The following SLC2A2 variants were observed in gnomAD, a reference collection of about 807,000 sequenced individuals.
The protein encoded by SLC2A2 is solute carrier family 2, facilitated glucose transporter member 2.
In SLC2A2, 36 loss-of-function variants were observed where a neutral mutation model predicts 54.5. That is an observed-to-expected ratio of 0.66 (90% CI 0.51 to 0.87). SLC2A2 has a LOEUF of 0.87. SLC2A2 is among the 40% of genes least tolerant of loss of function. The pLI is 0.00. For missense variants in SLC2A2, 543 were observed against 624.3 expected, an observed-to-expected ratio of 0.87 and a Z score of 1.39; for synonymous variants, 223 against 219.1, an observed-to-expected ratio of 1.02 and a Z score of -0.16.
At chr3:171,015,513 A>G (rs575995107) in intron 2 of SLC2A2, among the ~76,000 whole-genome samples, 1 of 152,314 alleles carries the variant, frequency 6.6e-6, no homozygotes, top group African/African-American at 2.4e-5. Flanking sequence ...ATACATTTTC[A>G]TGCTAGTGTT....
At chr3:171,019,992 A>G (rs1716376558) in intron 1 of SLC2A2, among the ~76,000 whole-genome samples, 1 of 152,190 alleles carries the variant, frequency 6.6e-6, no homozygotes, top group Non-Finnish European at 1.5e-5. Flanking sequence ...ATTTACATAA[A>G]TTTTTAAAAA....
chr3:171,007,013 A>G lies in SLC2A2; in HGVS notation c.612+135T>C, dbSNP rs1241801988. 4 of 703,604 alleles carry G rather than the reference A, an allele frequency of 5.7e-6. No individual in the cohort carries two copies. The African/African-American group carries it at 7.0e-5, about 12-fold the overall frequency. 43.6% of individuals were successfully genotyped at this position (703,604 alleles called of 1,614,324 possible). On this transcript the variant is annotated intron_variant, in intron 5 of 10. Transcript: ENST00000314251. ...GGCTTTTCTCTCTGTGCTGGTCTAC[A>G]GTGAGAATGGACAGTCAGGGAGGGA...
chr3:171,018,504 A>G, intron 2 of SLC2A2, 27 bp downstream of exon 2: 2 of 1,510,304 alleles, frequency 1.3e-6, no homozygotes. Flanking sequence ...ACTTGCCAAA[A>G]AGAGAACTTC....
chr3:171,011,636 A>G (rs1366771938), intron 3 of SLC2A2, among the ~76,000 whole-genome samples: 2 of 152,166 alleles, frequency 1.3e-5, no homozygotes, highest in Non-Finnish European at 2.9e-5. Flanking sequence ...TGAAATGAGT[A>G]TAGGGAAACA....
intron 3 of SLC2A2, among the ~76,000 whole-genome samples, chr3:171,012,637 A>C (rs760071794): frequency 1.3e-5 from 2 of 152,114 alleles, no homozygotes; most frequent in Non-Finnish European, 2.9e-5. Flanking sequence ...GAAGTATTAC[A>C]TTTTTATTTA....
chr3:171,023,115 C>T (rs1716537413), intron 1 of SLC2A2, among the ~76,000 whole-genome samples: 1 of 152,170 alleles, frequency 6.6e-6, no homozygotes. Flanking sequence ...ATCCTCTGGC[C>T]TTCCTGGTTT....
At chr3:171,016,339 G>A (rs1645400799) in intron 2 of SLC2A2, among the ~76,000 whole-genome samples, 1 of 152,162 alleles carries the variant, frequency 6.6e-6, no homozygotes, top group Non-Finnish European at 1.5e-5. Context: ...GGGAGGCTGA[G>A]GCAAGAGAAT....
In SLC2A2 at chr3:170,997,852, CAG is replaced by C. The variant is rs1453608878; in HGVS notation, c.*49_*50del. 2.1e-6 allele frequency: 3 copies of C among 1,450,738 alleles called. No homozygotes were observed. Among genetic ancestry groups the C allele is most frequent in the African/African-American group, 1.4e-5 (1 of 71,024 alleles). The allele number at this position is 1,450,738 out of a possible 1,614,324, so 89.9% of individuals were successfully genotyped here. On this transcript the variant is annotated 3_prime_UTR_variant, in exon 11 of 11. Coordinates refer to ENST00000314251, the MANE Select transcript of SLC2A2 (RefSeq NM_000340.2). ...TGCTCAAGGAATCATCATTTAAAAA[CAG>C]ACGGTTCCCTTATTGTTTCTGTTCA... is the stretch of plus-strand genomic sequence containing the variant.
At position 171,002,626 on chromosome 3, in the gene SLC2A2, A is replaced by G; in HGVS notation, c.1018T>C (p.Tyr340His). ...FQTAGISKPVYATIGVGAVNM... is the reference protein window; with the variant it reads ...FQTAGISKPVHATIGVGAVNM... Reference sequence around the variant, plus strand: ...ACAGCGCCAACTCCAATGGTTGCATAAACAGGTTTGCTGATACCAGCCGTC... The same window carrying G: ...ACAGCGCCAACTCCAATGGTTGCATGAACAGGTTTGCTGATACCAGCCGTC... Residue 340 changes from tyrosine to histidine, a missense_variant, in exon 8 of 11, where the codon TAT becomes CAT. Physicochemically the swap from Tyr to His is moderately conservative, Grantham distance 83. Around this residue, in one of 3 missense-constraint regions of SLC2A2, gnomAD observed 117 missense variants for 179.2 expected, o/e 0.65. Transcript: ENST00000314251. 1.2e-6 allele frequency: 2 copies of G among 1,611,354 alleles called. No homozygotes were observed. The highest frequency in any genetic ancestry group is 8.5e-7 in the Non-Finnish European group (1 of 1,178,392).
chr3:171,005,677 A>G (rs1715562193), intron 6 of SLC2A2, among the ~76,000 whole-genome samples: 1 of 152,062 alleles, frequency 6.6e-6, no homozygotes, highest in Admixed American at 6.6e-5. Flanking sequence ...TATGACAAAT[A>G]AAACTATGAT....
In SLC2A2 at chr3:171,020,420, C is replaced by A. The variant is rs117071747; in HGVS notation, c.16-1797G>T. On this transcript the variant is annotated intron_variant, in intron 1 of 10. Transcript: ENST00000314251. The stretch of plus-strand genomic sequence containing the variant: ...GGAATCTGTAGGTTTACAAAGCTTC[C>A]ACCCCTTTCACTAATATAGGGGGTA... Among the ~76,000 whole-genome samples, 10 of 152,188 alleles carry A rather than the reference C, an allele frequency of 6.6e-5. No individual in the cohort carries two copies. The East Asian group carries it at 1.9e-3, about 29-fold the overall frequency.
intron 3 of SLC2A2, among the ~76,000 whole-genome samples, chr3:171,011,423 G>A (rs1715876506): frequency 6.6e-6 from 1 of 152,100 alleles, no homozygotes; most frequent in African/African-American, 2.4e-5. Context: ...ACAAGCCAGA[G>A]AACTATAGTT....
chr3:171,024,191 G>A lies in SLC2A2; in HGVS notation c.15+2465C>T, dbSNP rs148470159. On this transcript the variant is annotated intron_variant, in intron 1 of 10. Coordinates refer to ENST00000314251, the MANE Select transcript of SLC2A2 (RefSeq NM_000340.2). ...CTGTAAAAACTAAGATAAATAATGTGGTCTTCCTATAAACAGTAAAAGGGC... is the reference window on the plus strand; with the variant it reads ...CTGTAAAAACTAAGATAAATAATGTAGTCTTCCTATAAACAGTAAAAGGGC... Among the ~76,000 whole-genome samples the A allele has an allele frequency of 1.8e-3, 272 of 152,140 alleles. 1 individual carries two copies. The highest frequency in any genetic ancestry group is 2.6e-3 in the Non-Finnish European group (179 of 67,996).
chr3:171,007,122 A>C, intron 5 of SLC2A2, 26 bp downstream of exon 5: 2 of 1,274,598 alleles, frequency 1.6e-6, no homozygotes, highest in Non-Finnish European at 2.3e-6. Flanking sequence ...TGGGTGCAGT[A>C]GGGGATAAGG....
At chr3:171,012,332 A>G (rs1715929540) in intron 3 of SLC2A2, among the ~76,000 whole-genome samples, 1 of 152,204 alleles carries the variant, frequency 6.6e-6, no homozygotes. Flanking sequence ...TAAGTGACAG[A>G]TCTTGGACTT....
intron 8 of SLC2A2, 77 bp from the exon 9 acceptor site, chr3:170,999,243 G>A: frequency 1.1e-6 from 1 of 938,860 alleles, no homozygotes; most frequent in Non-Finnish European, 1.8e-6. Context: ...CATTTTTACT[G>A]CCAAAGAGGT....
In SLC2A2 at chr3:171,005,946, G is replaced by T; in HGVS notation, c.772C>A (p.Gln258Lys). The part of the protein sequence containing the change: ...IKLDEEVKAK[Q>K]SLKRLRGYDD... The stretch of plus-strand genomic sequence containing the variant: ...GAAAAACCATCCACAGACTTACTTT[G>T]TTTTGCTTTGACTTCCTCATCTAAC... The change falls in exon 6 of 11, where the codon CAA becomes AAA. Residue 258 changes from glutamine to lysine, a missense_variant. Physicochemically the swap from Gln to Lys is moderately conservative, Grantham distance 53. This residue lies in a region of SLC2A2 where 318 missense variants were observed against 343.8 expected (regional missense o/e 0.93). Transcript: ENST00000314251. The T allele has an allele frequency of 6.2e-7, 1 of 1,611,950 alleles. No homozygotes were observed. Among genetic ancestry groups the T allele is most frequent in the Non-Finnish European group, 8.5e-7 (1 of 1,178,508 alleles).
intron 7 of SLC2A2, among the ~76,000 whole-genome samples, chr3:171,004,388 G>A (rs919524056): frequency 6.6e-6 from 1 of 151,968 alleles, no homozygotes; most frequent in East Asian, 1.9e-4. Context: ...CCTCTTAAAG[G>A]AGGACGGAGA....
At chr3:171,001,706 A>T (rs1238215413) in intron 8 of SLC2A2, among the ~76,000 whole-genome samples, 2 of 152,002 alleles carry the variant, frequency 1.3e-5, no homozygotes, top group East Asian at 3.9e-4. Context: ...GAATTACATT[A>T]GTTGGGGAGT....
Sources: gnomAD v4.1 joint callset for allele counts (sites outside exome capture counted in the v4.1 genomes callset) on GRCh38, gnomAD v4.1.1 for gene constraint, gnomAD v4.1.1 regional missense constraint, MANE v1.5 for transcripts, NCBI Gene and HGNC (gene_info 2026-07-23, HGNC 2026-07-21) for gene names.